The following DOCK4 variants were observed in gnomAD, a reference collection of about 807,000 sequenced individuals.
DOCK4 encodes dedicator of cytokinesis protein 4.
DOCK4 carries 97 observed loss-of-function variants against 268.1 expected under a neutral mutation model. That is an observed-to-expected ratio of 0.36 (90% CI 0.31 to 0.43). The LOEUF is 0.43. Ranked by LOEUF, DOCK4 falls within the 20% of genes least tolerant of loss-of-function variation. DOCK4 has a pLI of 1.00. For missense variants in DOCK4, 2,145 were observed against 2,455.7 expected, an observed-to-expected ratio of 0.87 and a Z score of 2.67; for synonymous variants, 954 against 887.2, an observed-to-expected ratio of 1.08 and a Z score of -1.34.
At chr7:111,866,843 G>A (rs1354096459) in intron 22 of DOCK4, among the ~76,000 whole-genome samples, 1 of 152,218 alleles carries the variant, frequency 6.6e-6, no homozygotes, top group African/African-American at 2.4e-5. Context: ...AATTACTTTT[G>A]TAGAGACAGT....
chr7:112,110,700 T>C (rs1242029156), intron 1 of DOCK4, among the ~76,000 whole-genome samples: 2 of 152,214 alleles, frequency 1.3e-5, no homozygotes, highest in African/African-American at 2.4e-5. Flanking sequence ...TTCTGGATTG[T>C]AGCCTTTCAG....
At chr7:111,908,912 T>A (rs528348658) in intron 13 of DOCK4, among the ~76,000 whole-genome samples, 2 of 152,332 alleles carry the variant, frequency 1.3e-5, no homozygotes, top group East Asian at 3.9e-4. Context: ...GTGCCACATT[T>A]TCTTTATGCA....
intron 37 of DOCK4, among the ~76,000 whole-genome samples, chr7:111,768,248 C>T (rs182424185): frequency 2.6e-5 from 4 of 152,216 alleles, no homozygotes; most frequent in Admixed American, 1.3e-4. Flanking sequence ...CACAGACTCC[C>T]GGGGATGGAC....
At chr7:111,896,344 T>TAA (rs1808745434) in intron 15 of DOCK4, among the ~76,000 whole-genome samples, 2 of 152,172 alleles carry the variant, frequency 1.3e-5, no homozygotes, top group Non-Finnish European at 2.9e-5. Context: ...GCGATGAGGT[T>TAA]TTCAGATGCC....
intron 8 of DOCK4, among the ~76,000 whole-genome samples, chr7:111,956,088 G>A (rs1042945012): frequency 1.3e-5 from 2 of 152,212 alleles, no homozygotes; most frequent in African/African-American, 2.4e-5. Flanking sequence ...GGCAGAATGC[G>A]TTCTGCTTAT....
At chr7:112,032,705 G>A (rs1803386710) in intron 1 of DOCK4, among the ~76,000 whole-genome samples, 1 of 152,048 alleles carries the variant, frequency 6.6e-6, no homozygotes. Context: ...ATTTTATGTT[G>A]TTTATCTTTA....
intron 5 of DOCK4, among the ~76,000 whole-genome samples, chr7:111,990,178 G>A (rs950164737): frequency 1.3e-5 from 2 of 152,242 alleles, no homozygotes; most frequent in African/African-American, 4.8e-5. Context: ...AAATATGTAA[G>A]TATTAGCTGT....
rs35222499 is a variant in DOCK4 at position 112,039,373 on chromosome 7, T to TGG, written c.38-35244_38-35243dup. 7.2e-3 allele frequency among the ~76,000 whole-genome samples: 880 copies of TGG among 122,288 alleles called. 9 individuals are homozygous for TGG. The highest frequency in any genetic ancestry group is 0.024 in the African/African-American group (778 of 32,464). 80.2% of individuals were successfully genotyped at this position (122,288 alleles called of 152,430 possible). ...TGAAGGTTTTAAAGAGGATTTCATA[T>TGG]GGGGGGGGGGGCTTAAAGATGCAGA... On this transcript the variant is annotated intron_variant, in intron 1 of 52. Coordinates refer to ENST00000428084, the MANE Select transcript of DOCK4 (RefSeq NM_001363540.2).
intron 1 of DOCK4, among the ~76,000 whole-genome samples, chr7:112,115,331 A>G (rs1159344599): frequency 6.6e-6 from 1 of 152,218 alleles, no homozygotes; most frequent in Non-Finnish European, 1.5e-5. Context: ...GGTGACACTC[A>G]GTTCAGACGC....
At chr7:111,908,265 G>A (rs1189714945) in intron 13 of DOCK4, among the ~76,000 whole-genome samples, 5 of 151,558 alleles carry the variant, frequency 3.3e-5, no homozygotes, top group African/African-American at 9.7e-5. Context: ...TGGCTAACAC[G>A]GTGAAACCCC....
chr7:111,976,535 C>T (rs956296947), intron 8 of DOCK4: 45 of 150,894 alleles, frequency 3.0e-4, no homozygotes, highest in South Asian at 1.7e-3. Flanking sequence ...TTGAGACTTT[C>T]GAATAAAAAC....
intron 4 of DOCK4, among the ~76,000 whole-genome samples, chr7:111,994,512 G>A (rs1222978486): frequency 6.6e-6 from 1 of 152,168 alleles, no homozygotes; most frequent in African/African-American, 2.4e-5. Context: ...TCACGACTAG[G>A]CAGCAACTCA....
chr7:112,134,493 G>T lies in DOCK4; in HGVS notation c.37+71609C>A, dbSNP rs542494096. ...CCAGCACTTTGGGAGGCCAAGGCGG[G>T]CGGAACACAAGGTCAGGAGATCGAG... On this transcript the variant is annotated intron_variant, in intron 1 of 52. Coordinates refer to ENST00000428084, the MANE Select transcript of DOCK4 (RefSeq NM_001363540.2). 2.0e-4 allele frequency among the ~76,000 whole-genome samples: 31 copies of T among 152,330 alleles called. No individual in the cohort carries two copies. The South Asian group carries it at 6.4e-3, about 32-fold the overall frequency.
intron 27 of DOCK4, chr7:111,821,792 C>T (rs1470027794): frequency 2.0e-5 from 3 of 152,342 alleles, no homozygotes; most frequent in East Asian, 3.9e-4. Flanking sequence ...ACTCAAAGGT[C>T]ATGTCTTATT....
intron 35 of DOCK4, among the ~76,000 whole-genome samples, chr7:111,780,553 T>C (rs1798727834): frequency 6.6e-6 from 1 of 152,170 alleles, no homozygotes; most frequent in Non-Finnish European, 1.5e-5. Context: ...ATACCTCCAG[T>C]CAGCAGATGA....
chr7:112,148,300 G>A (rs1036114048), intron 1 of DOCK4, among the ~76,000 whole-genome samples: 2 of 152,172 alleles, frequency 1.3e-5, no homozygotes, highest in Non-Finnish European at 2.9e-5. Flanking sequence ...AGAGGGACAG[G>A]GGGAGATGTC....
In DOCK4 at chr7:111,992,868, T is replaced by C. The variant is rs116759106; in HGVS notation, c.315+1267A>G. Among the ~76,000 whole-genome samples, 841 of 152,318 alleles carry C rather than the reference T, an allele frequency of 5.5e-3. 10 individuals carry two copies. The highest frequency in any genetic ancestry group is 0.019 in the African/African-American group (806 of 41,578). ...ATGTTAGTGCCATGCCCAATGTTAC[T>C]TTAAGTGAAATAATACTTGGATTTT... On this transcript the variant is annotated intron_variant, in intron 5 of 52. Transcript: ENST00000428084.
intron 1 of DOCK4, among the ~76,000 whole-genome samples, chr7:112,139,190 G>A (rs1334168241): frequency 6.6e-6 from 1 of 152,146 alleles, no homozygotes; most frequent in African/African-American, 2.4e-5. Context: ...TGTACATTAA[G>A]AACCAGGGCC....
intron 30 of DOCK4, chr7:111,801,742 T>G (rs553368030): frequency 6.8e-6 from 1 of 148,052 alleles, no homozygotes; most frequent in Non-Finnish European, 1.5e-5. Flanking sequence ...CAGGCTGGAA[T>G]GCAGTGGTGC....
Sources: gnomAD v4.1 joint callset for allele counts (sites outside exome capture counted in the v4.1 genomes callset) on GRCh38, gnomAD v4.1.1 for gene constraint, MANE v1.5 for transcripts, NCBI Gene and HGNC (gene_info 2026-07-23, HGNC 2026-07-21) for gene names.